Variants in NINJ2 observed in about 807,000 individuals in gnomAD.
NINJ2 encodes ninjurin-2.
In NINJ2, 12 loss-of-function variants were observed where a neutral mutation model predicts 11.7. The ratio of observed to expected loss-of-function variants is 1.02; its 90% CI spans 0.66 to 1.66. The LOEUF (loss-of-function observed/expected upper bound fraction) is 1.66. Ranked by LOEUF, NINJ2 falls within the 40% of genes most tolerant of loss-of-function variation. NINJ2 has a pLI of 0.00. For missense variants in NINJ2, 187 were observed against 181.8 expected, an observed-to-expected ratio of 1.03 and a Z score of -0.16; for synonymous variants, 93 against 76.8, an observed-to-expected ratio of 1.21 and a Z score of -1.10.
chr12:643,351 A>G, intron 1 of NINJ2: 1 of 771,760 alleles, frequency 1.3e-6, no homozygotes, highest in Non-Finnish European at 1.6e-6. Context: ...TGGGGAGGGG[A>G]GGGTGGCGTT....
intron 1 of NINJ2, among the ~76,000 whole-genome samples, chr12:629,916 T>C (rs185544348): frequency 1.5e-3 from 110 of 72,950 alleles, no homozygotes; most frequent in Middle Eastern, 9.8e-3. Context: ...TATATATATA[T>C]ATATATGAAG....
chr12:598,298 A>G (rs894128241), intron 1 of NINJ2, among the ~76,000 whole-genome samples: 1 of 152,168 alleles, frequency 6.6e-6, no homozygotes, highest in African/African-American at 2.4e-5. Flanking sequence ...GTAAGTGCGG[A>G]TCTACGTTCA....
At position 566,185 on chromosome 12, in the gene NINJ2, G is replaced by A. The variant is rs758828987; in HGVS notation, c.34-7C>T. On this transcript the variant is annotated splice_region_variant and splice_polypyrimidine_tract_variant and intron_variant, in intron 1 of 3. Transcript: ENST00000305108. Reference sequence around the variant, plus strand: ...TGGGGTCGGAGCTTCCAGGCTGTAGGGGAGAAAGCACAGACTTACCAAGGG... The same window carrying A: ...TGGGGTCGGAGCTTCCAGGCTGTAGAGGAGAAAGCACAGACTTACCAAGGG... 19 of 1,610,242 alleles carry A rather than the reference G, an allele frequency of 1.2e-5. No homozygotes were observed. The highest frequency in any genetic ancestry group is 1.5e-5 in the Non-Finnish European group (18 of 1,177,390).
chr12:583,317 G>A (rs1039042748), intron 1 of NINJ2, among the ~76,000 whole-genome samples: 1 of 152,358 alleles, frequency 6.6e-6, no homozygotes, highest in Middle Eastern at 3.4e-3. Context: ...CCACAGCTCA[G>A]GGCGATGCCC....
intron 1 of NINJ2, among the ~76,000 whole-genome samples, chr12:657,839 A>G (rs1201742195): frequency 1.3e-5 from 2 of 152,206 alleles, no homozygotes; most frequent in Non-Finnish European, 2.9e-5. Flanking sequence ...TTGCTGGTGG[A>G]CATGCAAAAC....
chr12:590,230 C>A (rs1484036826), intron 1 of NINJ2, among the ~76,000 whole-genome samples: 1 of 152,178 alleles, frequency 6.6e-6, no homozygotes, highest in African/African-American at 2.4e-5. Flanking sequence ...TTTAGCAGGA[C>A]CATGATGGAA....
At chr12:609,163 C>A (rs1947982164) in intron 1 of NINJ2, among the ~76,000 whole-genome samples, 2 of 129,996 alleles carry the variant, frequency 1.5e-5, no homozygotes, top group South Asian at 4.8e-4. Flanking sequence ...GCTGTACGCG[C>A]ACGCACGGCG....
At chr12:652,466 C>T (rs900545430) in intron 1 of NINJ2, among the ~76,000 whole-genome samples, 4 of 152,044 alleles carry the variant, frequency 2.6e-5, no homozygotes, top group African/African-American at 4.8e-5. Context: ...CATGGTGGCT[C>T]ATGTCTGTAA....
At chr12:662,965 C>CGAAAGAACTG (rs1555168136) in intron 1 of NINJ2, among the ~76,000 whole-genome samples, 3 of 152,092 alleles carry the variant, frequency 2.0e-5, no homozygotes, top group African/African-American at 7.3e-5. Flanking sequence ...TTTCCTGTCT[C>CGAAAGAACTG]CCCGGCAGCT....
rs200840943 is a variant in NINJ2, at chr12:565,378, C to T, written c.286G>A (p.Glu96Lys). Residue 96 changes from glutamate (E) to lysine (K), a missense_variant, in exon 3 of 4, where the codon GAA becomes AAA. Glu to Lys is a moderately conservative substitution (Grantham distance 56). Transcript: ENST00000305108. ...AGCTGGTTGAGTCGCCACTGCTTTT[C>T]TACCTCATTCAGGTTCAGCCGTGCT... ...VIARLNLNEVEKQWRLNQLNN... is the reference protein window; with the variant it reads ...VIARLNLNEVKKQWRLNQLNN... 10 of 1,614,200 alleles carry T rather than the reference C, an allele frequency of 6.2e-6. No individual in the cohort carries two copies. Among genetic ancestry groups the T allele is most frequent in the Non-Finnish European group, 8.5e-6 (10 of 1,180,026 alleles).
At chr12:637,466 C>A (rs896073181) in intron 1 of NINJ2, among the ~76,000 whole-genome samples, 6 of 151,556 alleles carry the variant, frequency 4.0e-5, no homozygotes, top group African/African-American at 1.5e-4. Flanking sequence ...ACGGTGAAAC[C>A]CCCGTCTCTA....
chr12:591,533 C>T lies in NINJ2; in HGVS notation c.34-25355G>A, dbSNP rs1235404869. Among the ~76,000 whole-genome samples, 1 of 152,168 alleles carries T rather than the reference C, an allele frequency of 6.6e-6. No homozygotes were observed. Among genetic ancestry groups the T allele is most frequent in the East Asian group, 1.9e-4 (1 of 5,194 alleles). ...AGGTTGGTCAGAGGGTTGGGGGCAA[C>T]TCTGATTGCAGAAGCTCTCTGGATG... On this transcript the variant is annotated intron_variant, in intron 1 of 3. Coordinates refer to ENST00000305108, the MANE Select transcript of NINJ2 (RefSeq NM_016533.6). This position sits in a 1 kb window ranked among gnomAD's most constrained non-coding sequence, Gnocchi z 5.0.
intron 1 of NINJ2, among the ~76,000 whole-genome samples, chr12:573,164 T>A (rs1048072192): frequency 6.6e-6 from 1 of 151,932 alleles, no homozygotes; most frequent in African/African-American, 2.4e-5. Flanking sequence ...TAGCTGGGAC[T>A]ACAGGCGCCC....
At chr12:577,776 C>T (rs1947489772) in intron 1 of NINJ2, among the ~76,000 whole-genome samples, 1 of 150,606 alleles carries the variant, frequency 6.6e-6, no homozygotes, top group Non-Finnish European at 1.5e-5. Flanking sequence ...GGCTAAGTCT[C>T]AAACTCCTGA....
chr12:622,803 T>C (rs1300892020), intron 1 of NINJ2, among the ~76,000 whole-genome samples: 2 of 152,136 alleles, frequency 1.3e-5, no homozygotes, highest in African/African-American at 4.8e-5. Context: ...ATTTTAATTT[T>C]TTTCATGAAT....
intron 1 of NINJ2, among the ~76,000 whole-genome samples, chr12:615,206 G>A (rs1265900658): frequency 6.6e-6 from 1 of 152,210 alleles, no homozygotes; most frequent in Non-Finnish European, 1.5e-5. Flanking sequence ...AGCAATCAGG[G>A]TGCTAAATGA....
intron 1 of NINJ2, among the ~76,000 whole-genome samples, chr12:624,765 C>T (rs1464621329): frequency 2.7e-5 from 4 of 145,954 alleles, no homozygotes; most frequent in Non-Finnish European, 6.0e-5. Flanking sequence ...GCCGAGATTG[C>T]GCCACTGCAC....
At position 581,151 on chromosome 12, in the gene NINJ2, A is replaced by G. The variant is rs908558265; in HGVS notation, c.34-14973T>C. On this transcript the variant is annotated intron_variant, in intron 1 of 3. Coordinates refer to ENST00000305108, the MANE Select transcript of NINJ2 (RefSeq NM_016533.6). The surrounding 1 kb of genome is among the most constrained non-coding windows in gnomAD (Gnocchi z 4.9). Reference sequence around the variant, plus strand: ...TCTCTGTGCCTCTGTGTGTGTGTGCATGTGTCTCTGTGTGTGTGTGTGTGT... The same window carrying G: ...TCTCTGTGCCTCTGTGTGTGTGTGCGTGTGTCTCTGTGTGTGTGTGTGTGT... 7.8e-6 allele frequency among the ~76,000 whole-genome samples: 1 copy of G among 128,510 alleles called. No homozygotes were observed. Among genetic ancestry groups the G allele is most frequent in the Non-Finnish European group, 1.7e-5 (1 of 59,340 alleles). The allele number at this position is 128,510 out of a possible 152,430, so 84.3% of individuals were successfully genotyped here.
At chr12:568,492 A>C (rs1361075407) in intron 1 of NINJ2, among the ~76,000 whole-genome samples, 1 of 152,226 alleles carries the variant, frequency 6.6e-6, no homozygotes, top group East Asian at 1.9e-4. Context: ...CAAGAGGCAC[A>C]GGGTGGTCAT....
Sources: gnomAD v4.1 joint callset for allele counts (sites outside exome capture counted in the v4.1 genomes callset) on GRCh38, gnomAD v4.1.1 for gene constraint, Gnocchi (gnomAD v3.1) non-coding constraint, MANE v1.5 for transcripts, NCBI Gene and HGNC (gene_info 2026-07-23, HGNC 2026-07-21) for gene names.